UNC13D: variants seen among roughly 807,000 people sequenced by gnomAD.
The protein encoded by UNC13D is protein unc-13 homolog D.
UNC13D carries 115 observed loss-of-function variants against 151.7 expected under a neutral mutation model. The ratio of observed to expected loss-of-function variants is 0.76; its 90% CI spans 0.65 to 0.88. UNC13D has a LOEUF of 0.88. Ranked by LOEUF, UNC13D falls within the 40% of genes least tolerant of loss-of-function variation. UNC13D has a pLI of 0.00. For missense variants in UNC13D, 1,369 were observed against 1,438.7 expected, an observed-to-expected ratio of 0.95 and a Z score of 0.78; for synonymous variants, 588 against 612.2, an observed-to-expected ratio of 0.96 and a Z score of 0.58.
Position 75,827,797 on chromosome 17 carries a change from C to A in UNC13D, c.*168G>T. On this transcript the variant is annotated 3_prime_UTR_variant, in exon 32 of 32. Transcript: ENST00000207549. ...AGAGATGTCGCTGCTGAGCCCCCAT[C>A]ACCATGGGAGGCAGGGGAGGTCTGC... is the stretch of plus-strand genomic sequence containing the variant. The A allele has an allele frequency of 6.7e-7, 1 of 1,481,822 alleles. No homozygotes were observed. Among genetic ancestry groups the A allele is most frequent in the Non-Finnish European group, 9.0e-7 (1 of 1,115,324 alleles). The allele number at this position is 1,481,822 out of a possible 1,614,324, so 91.8% of individuals were successfully genotyped here.
rs1036185367 is a variant in UNC13D at position 75,838,888 on chromosome 17, C to G, written c.1055+951G>C. On this transcript the variant is annotated intron_variant, in intron 12 of 31. Transcript: ENST00000207549. ...GGCCAAGGCGGGCGGATCATGAGGT[C>G]AGGAGATCGAGACCATCCTGGCTAA... Among the ~76,000 whole-genome samples the G allele has an allele frequency of 7.2e-5, 11 of 152,160 alleles. No individual in the cohort carries two copies. In the South Asian group the frequency reaches 2.1e-3, roughly 29 times the overall value.
intron 31 of UNC13D, 115 bp from the exon 32 acceptor site, chr17:75,828,201 G>C (rs758927484): frequency 6.9e-6 from 10 of 1,451,464 alleles, no homozygotes; most frequent in Non-Finnish European, 8.4e-6. Context: ...CAACAACCTG[G>C]AAGGAAACAA....
intron 29 of UNC13D, 24 bp from the exon 30 acceptor site, chr17:75,830,175 C>T (rs958549241): frequency 5.7e-6 from 9 of 1,581,882 alleles, no homozygotes; most frequent in Middle Eastern, 3.4e-4. Context: ...GGGGAGTGTG[C>T]GTCAGCTGAG....
chr17:75,843,439 A>T, intron 2 of UNC13D, 45 bp downstream of exon 2: 1 of 1,585,796 alleles, frequency 6.3e-7, no homozygotes, highest in Non-Finnish European at 8.6e-7. Context: ...GAGGACACAC[A>T]GCCGCCCTCC....
Position 75,840,726 on chromosome 17 carries a change from C to A in UNC13D, c.683+36G>T. 1.2e-6 allele frequency: 2 copies of A among 1,613,384 alleles called. No homozygotes were observed. Among genetic ancestry groups the A allele is most frequent in the Non-Finnish European group, 1.7e-6 (2 of 1,179,710 alleles). On this transcript the variant is annotated intron_variant, in intron 8 of 31. Coordinates refer to ENST00000207549, the MANE Select transcript of UNC13D (RefSeq NM_199242.3). The surrounding 1 kb of genome is among the most constrained non-coding windows in gnomAD (Gnocchi z 4.6). The stretch of plus-strand genomic sequence containing the variant: ...GTTGGGGGATGGAGGGCAAAAGGAG[C>A]CCCAACCCCTTCCCTGTGAGCCCTG...
Position 75,836,401 on chromosome 17 carries a change from C to T in UNC13D, c.1327G>A (p.Ala443Thr). The change falls in exon 15 of 32, where the codon GCC (alanine) becomes ACC (threonine). Residue 443 changes from alanine to threonine, a missense_variant. Coordinates refer to ENST00000207549, the MANE Select transcript of UNC13D (RefSeq NM_199242.3). ...RVLVQMCKMK[A>T]FGELCPNTAP... ...GTGTTGGGGCACAGTTCTCCAAAGG[C>T]CTTCATCTTGCACATCTGTACCAGG... The T allele has an allele frequency of 1.2e-6, 2 of 1,613,718 alleles. No individual in the cohort carries two copies. The highest frequency in any genetic ancestry group is 1.6e-4 in the Middle Eastern group (1 of 6,062).
chr17:75,836,848 T>A lies in UNC13D; in HGVS notation c.1126A>T (p.Thr376Ser). The A allele has an allele frequency of 6.2e-7, 1 of 1,613,936 alleles. No individual in the cohort carries two copies. The highest frequency in any genetic ancestry group is 1.3e-5 in the African/African-American group (1 of 75,018). The change falls in exon 13 of 32, where the codon ACC (threonine) becomes TCC (serine). Residue 376 changes from threonine to serine, a missense_variant. By Grantham distance (58) the Thr-to-Ser change is moderately conservative. Transcript: ENST00000207549. ...FPSSCLLHPI[T>S]SIEYQWIQGR... Reference sequence around the variant, plus strand: ...TGGATCCACTGGTACTCGATGCTGGTGATGGGGTGCAGGAGGCAGCTGCTG... The same window carrying A: ...TGGATCCACTGGTACTCGATGCTGGAGATGGGGTGCAGGAGGCAGCTGCTG...
At chr17:75,831,575 C>T (rs1216060377) in intron 25 of UNC13D, 1 of 586,134 alleles carries the variant, frequency 1.7e-6, no homozygotes, top group East Asian at 2.8e-5. Flanking sequence ...CACCTCTCAA[C>T]CTCAGTGAGG....
At chr17:75,834,200 A>G (rs1325715951) in intron 23 of UNC13D, 57 bp from the exon 24 acceptor site, 2 of 1,606,838 alleles carry the variant, frequency 1.2e-6, no homozygotes, top group African/African-American at 2.7e-5. Context: ...GGGATGGAAG[A>G]GTTCCTTAGG....
intron 12 of UNC13D, 151 bp from the exon 13 acceptor site, chr17:75,837,069 T>C (rs2064914560): frequency 1.5e-6 from 1 of 680,982 alleles, no homozygotes; most frequent in East Asian, 2.8e-5. Context: ...GTTTTTGTTT[T>C]GTGTTTTTTT....
chr17:75,827,243 T>G lies in UNC13D; in HGVS notation c.*722A>C. 1.1e-4 allele frequency: 43 copies of G among 383,368 alleles called. No homozygotes were observed. Among genetic ancestry groups the G allele is most frequent in the Middle Eastern group, 7.1e-4 (1 of 1,418 alleles). 23.7% of individuals were successfully genotyped at this position (383,368 alleles called of 1,614,324 possible). A position where few individuals can be genotyped will look rare whatever the true frequency, so the allele number is the denominator to read the frequency against. On this transcript the variant is annotated 3_prime_UTR_variant, in exon 32 of 32. Coordinates refer to ENST00000207549, the MANE Select transcript of UNC13D (RefSeq NM_199242.3). ...AGGCATATTTTAAGAGGACAATGGA[T>G]TTGTTTTTATTAATTTTTTTGCTAA...
In UNC13D at chr17:75,830,443, TG is replaced by T; in HGVS notation, c.2748del (p.Lys917ArgfsTer36). On this transcript the variant is annotated frameshift_variant, in exon 29 of 32. Transcript: ENST00000207549. LOFTEE classifies it high-confidence loss of function. ...TTSEELGAVTVKASYRASEQK... is the reference protein window; with the variant it reads ...TTSEELGAVTXKASYRASEQK... ...TGCTCAGAGGCGCGGTAGGAGGCCTTGACTGTCACAGCCCCCAGCTCCTCAG... is the reference window on the plus strand; with the variant it reads ...TGCTCAGAGGCGCGGTAGGAGGCCTTACTGTCACAGCCCCCAGCTCCTCAG... 6.3e-7 allele frequency: 1 copy of T among 1,586,730 alleles called. No homozygotes were observed. Among genetic ancestry groups the T allele is most frequent in the Non-Finnish European group, 8.6e-7 (1 of 1,167,408 alleles).
intron 12 of UNC13D, among the ~76,000 whole-genome samples, chr17:75,837,897 G>A (rs1269012085): frequency 6.6e-6 from 1 of 152,176 alleles, no homozygotes; most frequent in South Asian, 2.1e-4. Flanking sequence ...GGCAGAGGAT[G>A]GGGGAGAGGA....
At chr17:75,839,631 C>T (rs2064933194) in intron 12 of UNC13D, among the ~76,000 whole-genome samples, 1 of 152,104 alleles carries the variant, frequency 6.6e-6, no homozygotes, top group Non-Finnish European at 1.5e-5. Context: ...CCTCAGCCTC[C>T]CAAAGTCCTG....
intron 14 of UNC13D, 55 bp downstream of exon 14, chr17:75,836,517 C>T (rs1318181417): frequency 1.2e-6 from 2 of 1,612,668 alleles, no homozygotes; most frequent in Admixed American, 1.7e-5. Context: ...CTGCAGGCAC[C>T]CCAGCTGCTC....
chr17:75,841,421 G>A (rs1200104542), intron 6 of UNC13D, among the ~76,000 whole-genome samples: 1 of 149,052 alleles, frequency 6.7e-6, no homozygotes, highest in Non-Finnish European at 1.5e-5. Flanking sequence ...GGGATTACAA[G>A]CGTGAGCCAC....
In UNC13D at chr17:75,830,108, A is replaced by G; in HGVS notation, c.2874T>C (p.His958=). 6.3e-7 allele frequency: 1 copy of G among 1,585,932 alleles called. No homozygotes were observed. The highest frequency in any genetic ancestry group is 8.6e-7 in the Non-Finnish European group (1 of 1,166,278). ...CCCGGGCGGCCAGCTCAGGGAACTC[A>G]TGCCTGGGCTCCAAGGTCAGCTGGA... ...PFVQLTLEPR[H]EFPELAARET... is the part of the protein sequence containing the mutation. The change falls in exon 30 of 32, where the codon CAT becomes CAC. Residue 958 remains histidine, a synonymous_variant. Transcript: ENST00000207549.
rs371416823 is a variant in UNC13D at position 75,836,326 on chromosome 17, G to A, written c.1389+13C>T. On this transcript the variant is annotated intron_variant, in intron 15 of 31. Transcript: ENST00000207549. ...GGCGCTGGTCTCCCCCATCCCCAGC[G>A]CGAGTACCATACCTGCAGGGCCTCA... is the stretch of plus-strand genomic sequence containing the variant. 70 of 1,613,686 alleles carry A rather than the reference G, an allele frequency of 4.3e-5. No individual in the cohort carries two copies. The highest frequency in any genetic ancestry group is 2.3e-4 in the African/African-American group (17 of 74,950).
At position 75,840,270 on chromosome 17, in the gene UNC13D, T is replaced by C. The variant is rs1227028208; in HGVS notation, c.813A>G (p.Pro271=). 1 of 1,614,016 alleles carries C rather than the reference T, an allele frequency of 6.2e-7. No homozygotes were observed. The highest frequency in any genetic ancestry group is 2.2e-5 in the East Asian group (1 of 44,882). Residue 271 remains proline, a synonymous_variant, in exon 10 of 32, where the codon CCA becomes CCG. Transcript: ENST00000207549. This position sits in a 1 kb window ranked among gnomAD's most constrained non-coding sequence, Gnocchi z 4.6. ...ACTGGAGGTGGCACTGGCCTCGGTC[T>C]GGGTAGGTCTCAGTGCGGGGTTCCA... The part of the protein sequence containing the change: ...YPLEPRTETY[P]DRGQCHLQFQ...
Sources: allele counts gnomAD v4.1 joint callset (sites outside exome capture counted in the v4.1 genomes callset), GRCh38; gene constraint gnomAD v4.1.1; non-coding constraint Gnocchi (gnomAD v3.1); transcripts MANE v1.5; gene names NCBI Gene and HGNC (gene_info 2026-07-23, HGNC 2026-07-21).